Variants in MEGF9 observed in about 807,000 individuals in gnomAD.
The protein encoded by MEGF9 is multiple epidermal growth factor-like domains protein 9.
MEGF9 carries 6 observed loss-of-function variants against 46.8 expected under a neutral mutation model. That is an observed-to-expected ratio of 0.13 (90% confidence interval 0.07 to 0.25). The LOEUF is 0.25. Among genes scored for constraint, MEGF9 ranks in the 10% least tolerant of loss-of-function variants. The pLI, the probability that MEGF9 is intolerant of heterozygous loss-of-function variation, is 1.00. For synonymous variants in MEGF9, 302 were observed against 330.7 expected (o/e 0.91, Z 0.94); for missense variants, 683 against 792.4 (o/e 0.86, Z 1.66).
At chr9:120,636,229 C>T (rs545310829) in intron 2 of MEGF9, among the ~76,000 whole-genome samples, 29 of 152,176 alleles carry the variant, frequency 1.9e-4, no homozygotes, top group Non-Finnish European at 3.8e-4. Context: ...TGAGCCACCG[C>T]GTCCAGCCTA....
Position 120,714,058 on chromosome 9 carries a change from C to A in MEGF9, c.301G>T (p.Glu101Ter). ...GCAGTCGCCCAAAGAGGGGTGGTCT[C>A]CGGGGACTGGGCTGGAGAAGTCGCA... ...LAATSPAQSP[E>*]TTPLWATAGP... Residue 101 changes from glutamate to a stop codon, truncating the protein, a stop_gained, in exon 1 of 6, where the codon GAG (glutamate) becomes TAG (stop). Coordinates refer to ENST00000373930, the MANE Select transcript of MEGF9 (RefSeq NM_001080497.3). LOFTEE classifies it high-confidence loss of function. 7.7e-7 allele frequency: 1 copy of A among 1,297,064 alleles called. No individual in the cohort carries two copies. Among genetic ancestry groups the A allele is most frequent in the East Asian group, 2.9e-5 (1 of 34,112 alleles). 80.3% of individuals were successfully genotyped at this position (1,297,064 alleles called of 1,614,324 possible). A position where few individuals can be genotyped will look rare whatever the true frequency, so the allele number is the denominator to read the frequency against.
At chr9:120,627,539 T>G (rs796567268) in intron 2 of MEGF9, among the ~76,000 whole-genome samples, 41 of 152,314 alleles carry the variant, frequency 2.7e-4, no homozygotes, top group African/African-American at 9.6e-4. Context: ...CTCGGCTTAC[T>G]GCAACCTCCG....
intron 1 of MEGF9, among the ~76,000 whole-genome samples, chr9:120,662,562 G>T (rs966524681): frequency 1.3e-5 from 2 of 152,178 alleles, no homozygotes; most frequent in African/African-American, 4.8e-5. Context: ...TATAACCTTA[G>T]GCAAGTTAAT....
intron 2 of MEGF9, among the ~76,000 whole-genome samples, chr9:120,624,561 T>C (rs2043515612): frequency 6.6e-6 from 1 of 152,048 alleles, no homozygotes; most frequent in Non-Finnish European, 1.5e-5. Context: ...AAAAGGTGCT[T>C]TTCTCTCTTT....
At chr9:120,660,236 G>A (rs17340567) in intron 1 of MEGF9, among the ~76,000 whole-genome samples, 3,071 of 151,890 alleles carry the variant, frequency 0.02, 95 homozygotes, top group African/African-American at 0.07. Flanking sequence ...TTCACTTTTC[G>A]AAAGAAATAC....
At position 120,714,403 on chromosome 9, in the gene MEGF9, T is replaced by G. The variant is rs2132350331; in HGVS notation, c.-45A>C. On this transcript the variant is annotated 5_prime_UTR_variant, in exon 1 of 6. Coordinates refer to ENST00000373930, the MANE Select transcript of MEGF9 (RefSeq NM_001080497.3). ...GTCAGTCATCTTCTCCTCGTTGCAA[T>G]CCGACCAAGGAAGCCTCCGCAACCG... 1.6e-6 allele frequency: 2 copies of G among 1,244,672 alleles called. No individual in the cohort carries two copies. The highest frequency in any genetic ancestry group is 2.6e-5 in the South Asian group (1 of 38,996). The allele number at this position is 1,244,672 out of a possible 1,614,324, so 77.1% of individuals were successfully genotyped here.
chr9:120,666,542 G>A (rs1368815777), intron 1 of MEGF9, among the ~76,000 whole-genome samples: 1 of 152,108 alleles, frequency 6.6e-6, no homozygotes, highest in Non-Finnish European at 1.5e-5. Context: ...AAAAATTACT[G>A]GTGTTAAGTA....
At chr9:120,655,066 T>C (rs1202860637) in intron 2 of MEGF9, among the ~76,000 whole-genome samples, 1 of 152,212 alleles carries the variant, frequency 6.6e-6, no homozygotes, top group Non-Finnish European at 1.5e-5. Flanking sequence ...TAAGCTAAGA[T>C]TAATTTACTA....
intron 1 of MEGF9, among the ~76,000 whole-genome samples, chr9:120,683,121 C>A (rs1186155148): frequency 6.6e-6 from 1 of 152,144 alleles, no homozygotes; most frequent in African/African-American, 2.4e-5. Context: ...TTTCATCCAA[C>A]ATGGAATGAT....
At chr9:120,625,617 C>A (rs140282160) in intron 2 of MEGF9, among the ~76,000 whole-genome samples, 2 of 151,796 alleles carry the variant, frequency 1.3e-5, no homozygotes, top group Admixed American at 6.6e-5. Flanking sequence ...GAGTGGATCA[C>A]GAGGGCAGGA....
chr9:120,689,900 C>T (rs1344821804), intron 1 of MEGF9: 6 of 521,194 alleles, frequency 1.2e-5, no homozygotes, highest in Non-Finnish European at 2.0e-5. Context: ...TTTTCATCCT[C>T]TCCCTTCCCA....
intron 1 of MEGF9, among the ~76,000 whole-genome samples, chr9:120,663,249 C>T (rs2043710573): frequency 6.6e-6 from 1 of 152,182 alleles, no homozygotes; most frequent in South Asian, 2.1e-4. Context: ...TAACTCAGAA[C>T]TTAAGGCCCG....
chr9:120,615,310 C>G (rs902995066), intron 3 of MEGF9, among the ~76,000 whole-genome samples: 1 of 147,484 alleles, frequency 6.8e-6, no homozygotes, highest in Non-Finnish European at 1.5e-5. Context: ...CACACACACA[C>G]ACATGCACAC....
chr9:120,614,497 G>A (rs1244299872), intron 3 of MEGF9, among the ~76,000 whole-genome samples: 1 of 152,080 alleles, frequency 6.6e-6, no homozygotes, highest in African/African-American at 2.4e-5. Context: ...TCATGCTGTG[G>A]TAGACACTTT....
intron 1 of MEGF9, among the ~76,000 whole-genome samples, chr9:120,689,499 AC>A (rs1369368513): frequency 6.6e-6 from 1 of 152,166 alleles, no homozygotes; most frequent in Non-Finnish European, 1.5e-5. Flanking sequence ...GTGAAAATGG[AC>A]CAGGGAAAGA....
At chr9:120,704,664 C>T (rs938324803) in intron 1 of MEGF9, among the ~76,000 whole-genome samples, 1 of 152,170 alleles carries the variant, frequency 6.6e-6, no homozygotes, top group Admixed American at 6.5e-5. Context: ...AATAAAAGTA[C>T]AGAGGACATA....
intron 1 of MEGF9, among the ~76,000 whole-genome samples, chr9:120,660,591 G>A (rs575294519): frequency 6.6e-6 from 1 of 151,736 alleles, no homozygotes; most frequent in African/African-American, 2.4e-5. Context: ...ACTATTCTTC[G>A]CAGTCAGACA....
intron 3 of MEGF9, among the ~76,000 whole-genome samples, chr9:120,619,006 T>C (rs1292525151): frequency 6.6e-6 from 1 of 152,208 alleles, no homozygotes; most frequent in African/African-American, 2.4e-5. Flanking sequence ...AGTTATTTTA[T>C]ACCTTGCTTC....
intron 1 of MEGF9, 42 bp downstream of exon 1, chr9:120,713,716 A>T (rs2043963577): frequency 7.9e-7 from 1 of 1,273,086 alleles, no homozygotes; most frequent in South Asian, 3.5e-5. Flanking sequence ...GCCGGGGCTG[A>T]GGTGAGGACG....
Sources: gnomAD v4.1 joint callset for allele counts (sites outside exome capture counted in the v4.1 genomes callset) on GRCh38, gnomAD v4.1.1 for gene constraint, MANE v1.5 for transcripts, NCBI Gene and HGNC (gene_info 2026-07-23, HGNC 2026-07-21) for gene names.